BTAF1: variants seen among roughly 807,000 people sequenced by gnomAD.
BTAF1 encodes TATA-binding protein-associated factor 172.
BTAF1 carries 38 observed loss-of-function variants against 227.1 expected under a neutral mutation model. The ratio of observed to expected loss-of-function variants is 0.17; its 90% CI spans 0.13 to 0.22. BTAF1 has a LOEUF of 0.22. BTAF1 is among the 10% of genes least tolerant of loss of function. The pLI is 1.00. For missense variants in BTAF1, 1,598 were observed against 2,204.0 expected, an observed-to-expected ratio of 0.73 and a Z score of 5.51; for synonymous variants, 742 against 751.9, an observed-to-expected ratio of 0.99 and a Z score of 0.21.
intron 25 of BTAF1, among the ~76,000 whole-genome samples, chr10:91,998,055 G>T (rs1849256502): frequency 6.6e-6 from 1 of 150,844 alleles, no homozygotes; most frequent in Admixed American, 6.6e-5. Context: ...GGAACCTGGA[G>T]GCAGAAGTTG....
In BTAF1 at chr10:91,993,857, T is replaced by C; in HGVS notation, c.3199+10T>C. ...GACATAAATAATTTTGGTATACACATATTTTTATGAGTCCAGTTTTTAACA... is the reference window on the plus strand; with the variant it reads ...GACATAAATAATTTTGGTATACACACATTTTTATGAGTCCAGTTTTTAACA... On this transcript the variant is annotated intron_variant, in intron 22 of 37. Coordinates refer to ENST00000265990, the MANE Select transcript of BTAF1 (RefSeq NM_003972.3). 1 of 1,558,244 alleles carries C rather than the reference T, an allele frequency of 6.4e-7. No homozygotes were observed. The highest frequency in any genetic ancestry group is 1.4e-5 in the African/African-American group (1 of 73,494).
intron 19 of BTAF1, among the ~76,000 whole-genome samples, chr10:91,986,226 A>G (rs980028755): frequency 6.6e-6 from 1 of 151,986 alleles, no homozygotes; most frequent in Non-Finnish European, 1.5e-5. Context: ...TCCCTATTGG[A>G]TTGTTCTGGC....
At chr10:91,925,212 A>T (rs1363231104) in intron 1 of BTAF1, among the ~76,000 whole-genome samples, 1 of 152,150 alleles carries the variant, frequency 6.6e-6, no homozygotes, top group Non-Finnish European at 1.5e-5. Context: ...TAATCTATTC[A>T]ATGTGAGGAA....
intron 4 of BTAF1, among the ~76,000 whole-genome samples, chr10:91,950,838 T>A (rs960951067): frequency 6.6e-6 from 1 of 150,810 alleles, no homozygotes; most frequent in Non-Finnish European, 1.5e-5. Flanking sequence ...ATGTATTTTT[T>A]TTTTTTTTTT....
At chr10:91,927,280 A>G (rs1221304204) in intron 1 of BTAF1, among the ~76,000 whole-genome samples, 2 of 151,956 alleles carry the variant, frequency 1.3e-5, no homozygotes, top group East Asian at 3.9e-4. Context: ...CTGGGATTAC[A>G]GGCATGCACC....
chr10:91,989,258 G>A lies in BTAF1; in HGVS notation c.2532G>A (p.Glu844=), dbSNP rs547616587. The A allele has an allele frequency of 6.2e-7, 1 of 1,614,110 alleles. No homozygotes were observed. Among genetic ancestry groups the A allele is most frequent in the East Asian group, 2.2e-5 (1 of 44,884 alleles). ...KRQQVQMTVT[E]TNQEWQVLQL... ...AGCAGGTCCAAATGACAGTTACAGA[G>A]ACCAACCAGGAGTGGCAAGTGTTGC... The change falls in exon 20 of 38, where the codon GAG becomes GAA. Residue 844 remains glutamate, a synonymous_variant. Coordinates refer to ENST00000265990, the MANE Select transcript of BTAF1 (RefSeq NM_003972.3).
At chr10:91,932,644 A>AAAAATAT (rs1283094230) in intron 1 of BTAF1, among the ~76,000 whole-genome samples, 1 of 152,210 alleles carries the variant, frequency 6.6e-6, no homozygotes, top group Non-Finnish European at 1.5e-5. Flanking sequence ...GATGCCACAA[A>AAAAATAT]AAAATATAAT....
intron 19 of BTAF1, 88 bp downstream of exon 19, chr10:91,984,492 A>G (rs1247033783): frequency 6.7e-6 from 8 of 1,195,418 alleles, no homozygotes; most frequent in South Asian, 4.6e-5. Flanking sequence ...ACAAAAACAC[A>G]TTAGTTTGTT....
chr10:92,029,108 G>A lies in BTAF1; in HGVS notation c.*175G>A. The A allele has an allele frequency of 3.6e-6, 2 of 548,960 alleles. No homozygotes were observed. Among genetic ancestry groups the A allele is most frequent in the Non-Finnish European group, 5.9e-6 (2 of 337,182 alleles). 34.0% of individuals were successfully genotyped at this position (548,960 alleles called of 1,614,324 possible). Reference sequence around the variant, plus strand: ...GGAAACAAGTTATTCTCAAATATTTGCACTGTATTAAATTTAAATGTTAAT... The same window carrying A: ...GGAAACAAGTTATTCTCAAATATTTACACTGTATTAAATTTAAATGTTAAT... On this transcript the variant is annotated 3_prime_UTR_variant, in exon 38 of 38. Transcript: ENST00000265990.
intron 25 of BTAF1, among the ~76,000 whole-genome samples, chr10:91,999,948 A>T (rs1285248232): frequency 2.0e-5 from 3 of 152,216 alleles, no homozygotes; most frequent in Admixed American, 2.0e-4. Flanking sequence ...CTCTTGAGGA[A>T]AGGAGAGAGA....
chr10:92,000,583 A>G (rs1849453578), intron 25 of BTAF1, among the ~76,000 whole-genome samples: 1 of 151,986 alleles, frequency 6.6e-6, no homozygotes, highest in Non-Finnish European at 1.5e-5. Flanking sequence ...TTTGAGTTGG[A>G]GTTTTGCTCT....
chr10:91,969,660 A>G (rs916985246), intron 14 of BTAF1, among the ~76,000 whole-genome samples: 1 of 152,126 alleles, frequency 6.6e-6, no homozygotes, highest in African/African-American at 2.4e-5. Context: ...TAAGATCCCA[A>G]GATTGTTATA....
intron 1 of BTAF1, among the ~76,000 whole-genome samples, chr10:91,930,195 C>T (rs1211776105): frequency 6.6e-6 from 1 of 152,038 alleles, no homozygotes; most frequent in Non-Finnish European, 1.5e-5. Context: ...ACCACCCATA[C>T]TGCTGCTAAA....
chr10:91,976,791 C>A (rs2133962839), intron 14 of BTAF1, among the ~76,000 whole-genome samples: 2 of 152,262 alleles, frequency 1.3e-5, no homozygotes, highest in Middle Eastern at 6.8e-3. Flanking sequence ...TATTTAAGTG[C>A]CTGCTATGGG....
intron 14 of BTAF1, among the ~76,000 whole-genome samples, chr10:91,972,625 T>G (rs1252280906): frequency 6.6e-6 from 1 of 152,260 alleles, no homozygotes; most frequent in Non-Finnish European, 1.5e-5. Flanking sequence ...GATGCTTTTA[T>G]CTGTTATTGT....
Position 92,026,737 on chromosome 10 carries a change from C to T in BTAF1, c.5221C>T (p.His1741Tyr), listed in dbSNP as rs199905326. ...AGATCTACAAGCCATGGACCGGGCC[C>T]ATCGCATTGGGCAGGTAAAAGTCAA... ...MRDLQAMDRA[H>Y]RIGQKRVVNV... is the part of the protein sequence containing the mutation. Residue 1741 changes from histidine (H) to tyrosine (Y), a missense_variant, in exon 36 of 38, where the codon CAT (histidine) becomes TAT (tyrosine). Around this residue, in one of 10 missense-constraint regions of BTAF1, gnomAD observed 20 missense variants for 56.8 expected, o/e 0.35. Transcript: ENST00000265990. 2.7e-5 allele frequency: 43 copies of T among 1,613,324 alleles called. No individual in the cohort carries two copies. Among genetic ancestry groups the T allele is most frequent in the Non-Finnish European group, 1.4e-5 (16 of 1,179,746 alleles).
chr10:91,959,782 CAG>C lies in BTAF1; in HGVS notation c.991-1_991del, dbSNP rs1846378139. ...TATATATATATATATTATATTTTAA[CAG>C]ATGATTCAGCAGCATCAAGAGTGGT... On this transcript the variant is annotated splice_acceptor_variant, in intron 9 of 37. Coordinates refer to ENST00000265990, the MANE Select transcript of BTAF1 (RefSeq NM_003972.3). LOFTEE classifies it high-confidence loss of function. 1 of 1,318,924 alleles carries C rather than the reference CAG, an allele frequency of 7.6e-7. No homozygotes were observed. The highest frequency in any genetic ancestry group is 1.5e-5 in the African/African-American group (1 of 65,768). 81.7% of individuals were successfully genotyped at this position (1,318,924 alleles called of 1,614,324 possible).
At chr10:91,998,558 A>G (rs531405713) in intron 25 of BTAF1, among the ~76,000 whole-genome samples, 2 of 152,346 alleles carry the variant, frequency 1.3e-5, no homozygotes, top group South Asian at 2.1e-4. Context: ...TGGCCAATGC[A>G]GGAAACTGAA....
At chr10:91,997,167 T>G (rs1177572555) in intron 24 of BTAF1, 1 of 1,287,196 alleles carries the variant, frequency 7.8e-7, no homozygotes, top group Non-Finnish European at 1.0e-6. Flanking sequence ...AGAACTGCGC[T>G]TACTAGGCTC....
Sources: gnomAD v4.1 joint callset for allele counts (sites outside exome capture counted in the v4.1 genomes callset) on GRCh38, gnomAD v4.1.1 for gene constraint, gnomAD v4.1.1 regional missense constraint, MANE v1.5 for transcripts, NCBI Gene and HGNC (gene_info 2026-07-23, HGNC 2026-07-21) for gene names.